CFAP69: variants seen among roughly 807,000 people sequenced by gnomAD.
The protein encoded by CFAP69 is cilia- and flagella-associated protein 69.
CFAP69 carries 92 observed loss-of-function variants against 123.0 expected under a neutral mutation model. The ratio of observed to expected loss-of-function variants is 0.75; its 90% CI spans 0.63 to 0.89. The LOEUF (loss-of-function observed/expected upper bound fraction) is 0.89. Among genes scored for constraint, CFAP69 ranks in the 40% least tolerant of loss-of-function variants. The pLI is 0.00. For missense variants in CFAP69, 1,067 were observed against 1,096.9 expected (o/e 0.97, Z 0.39); for synonymous variants, 380 against 364.3 (o/e 1.04, Z -0.49).
In CFAP69 at chr7:90,271,898, T is replaced by G. The variant is rs1245449349; in HGVS notation, c.800T>G (p.Leu267Trp). 2 of 1,612,912 alleles carry G rather than the reference T, an allele frequency of 1.2e-6. No homozygotes were observed. The highest frequency in any genetic ancestry group is 2.7e-5 in the African/African-American group (2 of 74,894). The change falls in exon 8 of 23, where the codon TTG becomes TGG. Residue 267 changes from leucine (L) to tryptophan (W), a missense_variant. Leu to Trp is a moderately conservative substitution (Grantham distance 61). Transcript: ENST00000389297. ...LFRSSEILWN[L>W]LEKSSKEEVI... ...CGTTCATCAGAAATACTTTGGAACT[T>G]GCTGGAAAAATCTTCAAAAGAAGAA...
At chr7:90,292,241 G>A (rs1366317022) in intron 15 of CFAP69, among the ~76,000 whole-genome samples, 1 of 152,098 alleles carries the variant, frequency 6.6e-6, no homozygotes, top group Non-Finnish European at 1.5e-5. Flanking sequence ...CCCAGCCATG[G>A]GTTTGTACCC....
At chr7:90,278,768 A>G (rs1243272619) in intron 11 of CFAP69, among the ~76,000 whole-genome samples, 1 of 152,146 alleles carries the variant, frequency 6.6e-6, no homozygotes, top group Non-Finnish European at 1.5e-5. Flanking sequence ...TATGTACACT[A>G]TCATTTGCAA....
intron 1 of CFAP69, among the ~76,000 whole-genome samples, chr7:90,250,205 AGAGAGAGAG>A (rs1255811671): frequency 1.3e-5 from 2 of 148,846 alleles, no homozygotes; most frequent in Admixed American, 6.8e-5. Context: ...AGAGAGAGAG[AGAGAGAGAG>A]AGAGAGAGAG....
intron 3 of CFAP69, among the ~76,000 whole-genome samples, chr7:90,260,134 T>G (rs1242282365): frequency 6.6e-6 from 1 of 152,194 alleles, no homozygotes; most frequent in Non-Finnish European, 1.5e-5. Context: ...ATTTTATGTG[T>G]GACCCAAGAC....
intron 17 of CFAP69, chr7:90,303,388 G>T (rs915228579): frequency 3.2e-5 from 6 of 188,570 alleles, no homozygotes; most frequent in Non-Finnish European, 5.9e-5. Flanking sequence ...TCTTGTGCCA[G>T]TTTACAAAGG....
At chr7:90,309,877 A>C (rs1477113872) in intron 22 of CFAP69, among the ~76,000 whole-genome samples, 191 bp from the exon 23 acceptor site, 2 of 152,176 alleles carry the variant, frequency 1.3e-5, no homozygotes, top group Admixed American at 6.5e-5. Flanking sequence ...AAAGCTGATA[A>C]GCAATAGAAA....
chr7:90,268,022 A>C (rs1010879096), intron 5 of CFAP69, among the ~76,000 whole-genome samples: 3 of 152,202 alleles, frequency 2.0e-5, no homozygotes, highest in African/African-American at 7.2e-5. Flanking sequence ...ATTTGTATTA[A>C]TAATCATCAT....
intron 9 of CFAP69, chr7:90,276,043 A>G (rs1266338843): frequency 6.6e-6 from 1 of 152,124 alleles, no homozygotes; most frequent in Non-Finnish European, 1.5e-5. Context: ...CGGAGCTACT[A>G]CTCATCTGTA....
intron 3 of CFAP69, among the ~76,000 whole-genome samples, 153 bp downstream of exon 3, chr7:90,258,316 G>A (rs17875035): frequency 0.015 from 2,313 of 152,254 alleles, 77 homozygotes; most frequent in African/African-American, 0.053. Flanking sequence ...CAGTTTTGGA[G>A]GTTAGAAGTC....
At chr7:90,264,101 AAAAATATATATATATATAT>A (rs1289401239) in intron 4 of CFAP69, among the ~76,000 whole-genome samples, 1 of 31,872 alleles carries the variant, frequency 3.1e-5, no homozygotes, top group African/African-American at 1.0e-4. Flanking sequence ...GAAAAAAAAA[AAAAATATATATATATATAT>A]ATATATATAT....
At chr7:90,257,993 G>T (rs1797853672) in intron 2 of CFAP69, 105 bp from the exon 3 acceptor site, 3 of 682,220 alleles carry the variant, frequency 4.4e-6, no homozygotes, top group Non-Finnish European at 5.0e-6. Context: ...AGTAATTTAA[G>T]AATTACTTGA....
chr7:90,262,976 A>G (rs958030914), intron 4 of CFAP69, among the ~76,000 whole-genome samples: 1 of 152,130 alleles, frequency 6.6e-6, no homozygotes, highest in African/African-American at 2.4e-5. Flanking sequence ...GACAGGTACA[A>G]TGGAAAATAA....
At chr7:90,261,233 G>C (rs10952996) in intron 3 of CFAP69, among the ~76,000 whole-genome samples, 1 of 151,902 alleles carries the variant, frequency 6.6e-6, no homozygotes. Context: ...GCACCACCAC[G>C]CCCAGCGAAT....
chr7:90,264,100 AAAAAATATATATATATATATATAT>A (rs1160808345), intron 4 of CFAP69, among the ~76,000 whole-genome samples: 13 of 33,036 alleles, frequency 3.9e-4, no homozygotes, highest in African/African-American at 1.1e-3. Context: ...CGAAAAAAAA[AAAAAATATATATATATATATATAT>A]ATATATATAT....
At position 90,266,890 on chromosome 7, in the gene CFAP69, A is replaced by G. The variant is rs370846728; in HGVS notation, c.434-1396A>G. Among the ~76,000 whole-genome samples, 19 of 152,370 alleles carry G rather than the reference A, an allele frequency of 1.2e-4. No homozygotes were observed. In the East Asian group the frequency reaches 1.7e-3, roughly 14 times the overall value. ...TATTACATTTTCTTCCAAATGATAC[A>G]TAGATATTTCTGACTCAGAGGCAAG... is the stretch of plus-strand genomic sequence containing the variant. On this transcript the variant is annotated intron_variant, in intron 5 of 22. Coordinates refer to ENST00000389297, the MANE Select transcript of CFAP69 (RefSeq NM_001039706.3).
chr7:90,305,454 A>G (rs1031455353), intron 19 of CFAP69, among the ~76,000 whole-genome samples: 9 of 150,260 alleles, frequency 6.0e-5, no homozygotes, highest in Non-Finnish European at 8.9e-5. Flanking sequence ...GTACAATGGC[A>G]TGATCTTGGC....
chr7:90,283,747 G>A (rs1789835483), intron 13 of CFAP69, among the ~76,000 whole-genome samples: 1 of 152,064 alleles, frequency 6.6e-6, no homozygotes, highest in Non-Finnish European at 1.5e-5. Context: ...TCAGTCGTTC[G>A]TATTCAGTGA....
Position 90,300,002 on chromosome 7 carries a change from T to G in CFAP69, c.1993T>G (p.Trp665Gly), listed in dbSNP as rs1222435984. Residue 665 changes from tryptophan to glycine, a missense_variant, in exon 17 of 23, where the codon TGG (tryptophan) becomes GGG (glycine). Trp to Gly is a radical substitution (Grantham distance 184). Transcript: ENST00000389297. ...AGCTGCTAGTCTTTTAATTAAATTG[T>G]GGAGAAAGGAGGAAAAAGAACTAGG... The part of the protein sequence containing the change: ...QTAASLLIKL[W>G]RKEEKELGVK... The G allele has an allele frequency of 2.5e-6, 4 of 1,610,212 alleles. No individual in the cohort carries two copies. The highest frequency in any genetic ancestry group is 2.5e-6 in the Non-Finnish European group (3 of 1,178,534).
At chr7:90,314,604 C>A (rs1794605933), downstream of CFAP69, among the ~76,000 whole-genome samples, 3 of 150,570 alleles carry the variant, frequency 2.0e-5, no homozygotes, top group South Asian at 6.3e-4. Flanking sequence ...CAGAGCAAGA[C>A]CCTGCCAAAA....
Sources: gnomAD v4.1 joint callset for allele counts (sites outside exome capture counted in the v4.1 genomes callset) on GRCh38, gnomAD v4.1.1 for gene constraint, MANE v1.5 for transcripts, NCBI Gene and HGNC (gene_info 2026-07-23, HGNC 2026-07-21) for gene names.